Variants in RAD54L2 observed in about 807,000 individuals in gnomAD.
The protein encoded by RAD54L2 is helicase ARIP4.
RAD54L2 carries 27 observed loss-of-function variants against 138.4 expected under a neutral mutation model. The ratio of observed to expected loss-of-function variants is 0.20; its 90% CI spans 0.14 to 0.27. RAD54L2 has a LOEUF of 0.27. RAD54L2 is among the 10% of genes least tolerant of loss of function. The probability of loss-of-function intolerance (pLI) is 1.00; values close to 1 mark genes in which losing one functional copy is unlikely to be tolerated. For missense variants in RAD54L2, 1,396 were observed against 1,890.2 expected (o/e 0.74, Z 4.85); for synonymous variants, 644 against 723.2 (o/e 0.89, Z 1.76).
rs2106752119 is a variant in RAD54L2, at chr3:51,608,313, G to A, written c.139+17754G>A. Reference sequence around the variant, plus strand: ...TCCTCACTTCCTAGATGGGATGACGGCCGGGAAGAGGCAATCCTCACTTCA... The same window carrying A: ...TCCTCACTTCCTAGATGGGATGACGACCGGGAAGAGGCAATCCTCACTTCA... On this transcript the variant is annotated intron_variant, in intron 3 of 22. Transcript: ENST00000684192. Among the ~76,000 whole-genome samples the A allele has an allele frequency of 3.9e-5, 6 of 152,026 alleles. 1 individual carries two copies. In the South Asian group the frequency reaches 1.2e-3, roughly 32 times the overall value.
chr3:51,619,349 G>A (rs1362192195), intron 3 of RAD54L2, among the ~76,000 whole-genome samples: 3 of 152,186 alleles, frequency 2.0e-5, no homozygotes, highest in African/African-American at 7.2e-5. Context: ...GAGCCACCAC[G>A]CCTGGTCTAG....
At chr3:51,586,311 C>T (rs1324174061) in intron 2 of RAD54L2, among the ~76,000 whole-genome samples, 1 of 152,064 alleles carries the variant, frequency 6.6e-6, no homozygotes, top group African/African-American at 2.4e-5. Flanking sequence ...TAGATATGGG[C>T]ATCGCTGTGT....
intron 2 of RAD54L2, among the ~76,000 whole-genome samples, chr3:51,587,568 T>G (rs1048861319): frequency 3.9e-5 from 6 of 152,186 alleles, no homozygotes; most frequent in African/African-American, 1.2e-4. Context: ...ATTTAAATTT[T>G]ATTACTAGAT....
At chr3:51,582,368 C>T (rs2106691430) in intron 2 of RAD54L2, among the ~76,000 whole-genome samples, 1 of 117,238 alleles carries the variant, frequency 8.5e-6, no homozygotes. Flanking sequence ...CCCCTGTATC[C>T]AGAGATCTTA....
intron 2 of RAD54L2, among the ~76,000 whole-genome samples, chr3:51,558,691 G>A (rs1164931791): frequency 6.6e-6 from 1 of 151,444 alleles, no homozygotes; most frequent in Admixed American, 6.6e-5. Flanking sequence ...GGCTGGTCTT[G>A]AACTCCTGGG....
At position 51,633,470 on chromosome 3, in the gene RAD54L2, T is replaced by C. The variant is rs1168197461; in HGVS notation, c.826-107T>C. 7 of 1,112,808 alleles carry C rather than the reference T, an allele frequency of 6.3e-6. No individual in the cohort carries two copies. The Admixed American group carries it at 8.5e-5, about 14-fold the overall frequency. The allele number at this position is 1,112,808 out of a possible 1,614,324, so 68.9% of individuals were successfully genotyped here. ...TATGGCCATCCACACCTGCTATCTA[T>C]TATAACGCCTTCTCACTTACTTAAT... On this transcript the variant is annotated intron_variant, in intron 7 of 22. Coordinates refer to ENST00000684192, the MANE Select transcript of RAD54L2 (RefSeq NM_015106.4).
intron 21 of RAD54L2, among the ~76,000 whole-genome samples, chr3:51,659,604 C>T (rs979634122): frequency 1.3e-5 from 2 of 152,160 alleles, no homozygotes; most frequent in Admixed American, 6.5e-5. Flanking sequence ...GCTCCTTCCT[C>T]GCAGATCAAG....
At chr3:51,562,257 G>A (rs1299716262) in intron 2 of RAD54L2, among the ~76,000 whole-genome samples, 1 of 149,342 alleles carries the variant, frequency 6.7e-6, no homozygotes, top group East Asian at 2.0e-4. Flanking sequence ...TTGAGATGGA[G>A]TCTTGCTCTT....
At chr3:51,590,117 A>G (rs576337384) in intron 2 of RAD54L2, among the ~76,000 whole-genome samples, 26 of 152,088 alleles carry the variant, frequency 1.7e-4, no homozygotes, top group Non-Finnish European at 3.1e-4. Flanking sequence ...CAGCCACCTG[A>G]GTAGCTGGGA....
chr3:51,634,156 A>G, intron 9 of RAD54L2, 121 bp downstream of exon 9: 1 of 1,276,604 alleles, frequency 7.8e-7, no homozygotes, highest in African/African-American at 1.5e-5. Context: ...TGGTTTCCTG[A>G]TGTATCACTT....
At chr3:51,585,723 T>C (rs1047199174) in intron 2 of RAD54L2, among the ~76,000 whole-genome samples, 1 of 152,214 alleles carries the variant, frequency 6.6e-6, no homozygotes, top group South Asian at 2.1e-4. Context: ...AAACCTAATA[T>C]ATTAAACTGT....
chr3:51,594,569 T>C (rs1200511176), intron 3 of RAD54L2, among the ~76,000 whole-genome samples: 2 of 152,184 alleles, frequency 1.3e-5, no homozygotes, highest in African/African-American at 4.8e-5. Flanking sequence ...ATTCTTATAA[T>C]CGCCTTTCCT....
chr3:51,639,280 G>C, intron 12 of RAD54L2, 139 bp from the exon 13 acceptor site: 1 of 1,012,252 alleles, frequency 9.9e-7, no homozygotes, highest in Admixed American at 2.7e-5. Context: ...GGCTGTGAAG[G>C]GCTCTGACTT....
chr3:51,557,744 C>T lies in RAD54L2; in HGVS notation c.-55+16094C>T, dbSNP rs899304573. 9.6e-5 allele frequency among the ~76,000 whole-genome samples: 14 copies of T among 146,108 alleles called. No individual in the cohort carries two copies. The East Asian group carries it at 1.0e-3, about 11-fold the overall frequency. On this transcript the variant is annotated intron_variant, in intron 2 of 22. Transcript: ENST00000684192. ...ACTTGGAAGGCTGAGGCAGGAGAATCGCTTGAAACCAGAAAGTGGAGGTTG... is the reference window on the plus strand; with the variant it reads ...ACTTGGAAGGCTGAGGCAGGAGAATTGCTTGAAACCAGAAAGTGGAGGTTG...
Position 51,590,357 on chromosome 3 carries a change from C to A in RAD54L2, c.-54-10C>A. 1 of 1,444,272 alleles carries A rather than the reference C, an allele frequency of 6.9e-7. No individual in the cohort carries two copies. Among genetic ancestry groups the A allele is most frequent in the East Asian group, 2.5e-5 (1 of 39,302 alleles). The allele number at this position is 1,444,272 out of a possible 1,614,324, so 89.5% of individuals were successfully genotyped here. The stretch of plus-strand genomic sequence containing the variant: ...CCTTGGTGATTCTGATGCCTTTCAT[C>A]CTCTCCTAGCACCCCTGCAGTGGAC... On this transcript the variant is annotated splice_polypyrimidine_tract_variant and intron_variant, in intron 2 of 22. Coordinates refer to ENST00000684192, the MANE Select transcript of RAD54L2 (RefSeq NM_015106.4).
At chr3:51,620,962 A>G (rs564537588) in intron 3 of RAD54L2, among the ~76,000 whole-genome samples, 9 of 152,070 alleles carry the variant, frequency 5.9e-5, no homozygotes, top group African/African-American at 1.9e-4. Context: ...ATTTTTTGGA[A>G]GTTACATTAT....
intron 2 of RAD54L2, among the ~76,000 whole-genome samples, chr3:51,569,519 G>A (rs887453264): frequency 2.6e-5 from 4 of 152,010 alleles, no homozygotes; most frequent in Non-Finnish European, 5.9e-5. Context: ...AAGTAGCTGG[G>A]ATTACAGGTG....
Position 51,662,996 on chromosome 3 carries a change from ACCAGCTGT to A in RAD54L2, c.3984_3991del (p.Leu1329PhefsTer14). 1 of 1,613,726 alleles carries A rather than the reference ACCAGCTGT, an allele frequency of 6.2e-7. No homozygotes were observed. Among genetic ancestry groups the A allele is most frequent in the Non-Finnish European group, 8.5e-7 (1 of 1,179,796 alleles). On this transcript the variant is annotated frameshift_variant, in exon 23 of 23. Coordinates refer to ENST00000684192, the MANE Select transcript of RAD54L2 (RefSeq NM_015106.4). LOFTEE classifies it high-confidence loss of function. The surrounding 1 kb of genome is among the most constrained non-coding windows in gnomAD (Gnocchi z 4.6). The stretch of plus-strand genomic sequence containing the variant: ...TTTATGGGCAGTACCCCCTCCTACT[ACCAGCTGT>A]CCAATTTGCTGGCAGATGCCCGCCT...
chr3:51,624,115 G>T (rs1559640633), intron 3 of RAD54L2, among the ~76,000 whole-genome samples: 1 of 151,944 alleles, frequency 6.6e-6, no homozygotes, highest in Admixed American at 6.6e-5. Context: ...CTCATACCTG[G>T]AATAGTAGTA....
Sources: gnomAD v4.1 joint callset for allele counts (sites outside exome capture counted in the v4.1 genomes callset) on GRCh38, gnomAD v4.1.1 for gene constraint, Gnocchi (gnomAD v3.1) non-coding constraint, MANE v1.5 for transcripts, NCBI Gene and HGNC (gene_info 2026-07-23, HGNC 2026-07-21) for gene names.